The following PIK3IP1 variants were observed in gnomAD, a reference collection of about 807,000 sequenced individuals.
The protein encoded by PIK3IP1 is phosphoinositide-3-kinase-interacting protein 1.
PIK3IP1 carries 28 observed loss-of-function variants against 30.7 expected under a neutral mutation model. The observed-to-expected ratio is 0.91, with a 90% CI of 0.68 to 1.25. The LOEUF (loss-of-function observed/expected upper bound fraction) is 1.25, where lower values mean the gene tolerates loss of function less well. PIK3IP1 is among the 50% of genes most tolerant of loss of function. The pLI is 0.00. For synonymous variants in PIK3IP1, 159 were observed against 140.8 expected, an observed-to-expected ratio of 1.13 and a Z score of -0.91; for missense variants, 333 against 346.2, an observed-to-expected ratio of 0.96 and a Z score of 0.30.
At position 31,291,253 on chromosome 22, in the gene PIK3IP1, G is replaced by A; in HGVS notation, c.114C>T (p.Thr38=). 1 of 1,553,732 alleles carries A rather than the reference G, an allele frequency of 6.4e-7. No individual in the cohort carries two copies. Among genetic ancestry groups the A allele is most frequent in the Admixed American group, 1.9e-5 (1 of 51,382 alleles). ...GGCAGCGGAGGCCCGGCGCGGGGGA[G>A]GTCTGGTCCTCCCGGTACAGGTGGC... The part of the protein sequence containing the change: ...DNGHLYREDQ[T]SPAPGLRCLN... Residue 38 remains threonine (T), a synonymous_variant, in exon 2 of 6, where the codon ACC becomes ACT. Transcript: ENST00000215912.
At chr22:31,284,064 C>G (rs1313168478) in intron 5 of PIK3IP1, among the ~76,000 whole-genome samples, 1 of 152,130 alleles carries the variant, frequency 6.6e-6, no homozygotes, top group Non-Finnish European at 1.5e-5. Context: ...GCCACCACGC[C>G]CAGAGTATTT....
At chr22:31,287,480 G>A (rs568918205) in intron 5 of PIK3IP1, among the ~76,000 whole-genome samples, 5 of 150,544 alleles carry the variant, frequency 3.3e-5, no homozygotes, top group Non-Finnish European at 5.9e-5. Context: ...ACAAGTGCCC[G>A]CCACCACGCC....
rs534860289 is a variant in PIK3IP1, at chr22:31,282,924, C to T, written c.*160G>A. On this transcript the variant is annotated 3_prime_UTR_variant, in exon 6 of 6. Transcript: ENST00000215912. Reference sequence around the variant, plus strand: ...ACCCTACCCAGCCTTACCCTCAGCCCACAGGGCCACCTGCTTCTGTCACTC... The same window carrying T: ...ACCCTACCCAGCCTTACCCTCAGCCTACAGGGCCACCTGCTTCTGTCACTC... 1.6e-6 allele frequency: 1 copy of T among 623,946 alleles called. No homozygotes were observed. Among genetic ancestry groups the T allele is most frequent in the East Asian group, 2.8e-5 (1 of 36,192 alleles). The allele number at this position is 623,946 out of a possible 1,614,324, so 38.7% of individuals were successfully genotyped here.
At chr22:31,288,753 A>ACAATCTCGGCTGAGTGGCAATCT (rs2049150142) in intron 5 of PIK3IP1, among the ~76,000 whole-genome samples, 1 of 152,222 alleles carries the variant, frequency 6.6e-6, no homozygotes. Flanking sequence ...CGTGGTGAAG[A>ACAATCTCGGCTGAGTGGCAATCT]GTGGCAAACA....
Position 31,289,685 on chromosome 22 carries a change from C to A in PIK3IP1, c.322G>T (p.Ala108Ser). The change falls in exon 4 of 6, where the codon GCC becomes TCC. Residue 108 changes from alanine (A) to serine (S), a missense_variant. Physicochemically the swap from Ala to Ser is moderately conservative, Grantham distance 99 (BLOSUM62 1). This residue lies in a region of PIK3IP1 where 217 missense variants were observed against 227.7 expected (regional missense o/e 0.95). Transcript: ENST00000215912. Reference sequence around the variant, plus strand: ...ATTTCTGTCGTGAAGGCTGGCAGGGCCTGGGAGGTGGTCTCTGGAGATGAG... The same window carrying A: ...ATTTCTGTCGTGAAGGCTGGCAGGGACTGGGAGGTGGTCTCTGGAGATGAG... ...DLRCPETTSQ[A>S]LPAFTTEIQE... 6.4e-7 allele frequency: 1 copy of A among 1,552,468 alleles called. No homozygotes were observed. The highest frequency in any genetic ancestry group is 8.7e-7 in the Non-Finnish European group (1 of 1,147,248).
rs1304546668 is a variant in PIK3IP1, at chr22:31,289,742, G to C, written c.308-43C>G. On this transcript the variant is annotated intron_variant, in intron 3 of 5. Coordinates refer to ENST00000215912, the MANE Select transcript of PIK3IP1 (RefSeq NM_052880.5). ...AACAGCTCTCATCAGGGACTGCCCT[G>C]AGTGAATTCCACAGCTGAACCTGGC... The C allele has an allele frequency of 1.9e-6, 3 of 1,544,812 alleles. No individual in the cohort carries two copies. In the South Asian group the frequency reaches 3.6e-5, roughly 18 times the overall value.
At position 31,283,452 on chromosome 22, in the gene PIK3IP1, A is replaced by G. The variant is rs955942986; in HGVS notation, c.588-164T>C. Among the ~76,000 whole-genome samples the G allele has an allele frequency of 5.3e-5, 8 of 152,302 alleles. No individual in the cohort carries two copies. The East Asian group carries it at 7.7e-4, about 15-fold the overall frequency. On this transcript the variant is annotated intron_variant, in intron 5 of 5. Transcript: ENST00000215912. Reference sequence around the variant, plus strand: ...TCAGGTCCAGGATTCTAGGATATCCATTCTGCAAGACGGCGTTAAACTCAA... The same window carrying G: ...TCAGGTCCAGGATTCTAGGATATCCGTTCTGCAAGACGGCGTTAAACTCAA...
At chr22:31,285,085 T>C (rs528125855) in intron 5 of PIK3IP1, among the ~76,000 whole-genome samples, 1 of 152,214 alleles carries the variant, frequency 6.6e-6, no homozygotes, top group East Asian at 1.9e-4. Flanking sequence ...TACCTCCAAC[T>C]TCCTCTCCCA....
At position 31,282,410 on chromosome 22, in the gene PIK3IP1, G is replaced by A. The variant is rs2049096276; in HGVS notation, c.*674C>T. 6.6e-6 allele frequency: 1 copy of A among 152,634 alleles called. No homozygotes were observed. The highest frequency in any genetic ancestry group is 1.5e-5 in the Non-Finnish European group (1 of 68,070). The allele number at this position is 152,634 out of a possible 1,614,324, so 9.5% of individuals were successfully genotyped here. A position where few individuals can be genotyped will look rare whatever the true frequency, so the allele number is the denominator to read the frequency against. On this transcript the variant is annotated 3_prime_UTR_variant, in exon 6 of 6. Transcript: ENST00000215912. The stretch of plus-strand genomic sequence containing the variant: ...AGATCCTTCTCTATCCTCTTCCTAA[G>A]TGGAATGCTCAGTGCAATTCTTCCT...
chr22:31,290,886 G>GCCGCACGTGCGC, intron 3 of PIK3IP1, 79 bp downstream of exon 3: 1 of 1,455,634 alleles, frequency 6.9e-7, no homozygotes, highest in Non-Finnish European at 9.0e-7. Flanking sequence ...GCATCGCGCG[G>GCCGCACGTGCGC]CCGCACGTGC....
rs1382418938 is a variant in PIK3IP1 at position 31,282,840 on chromosome 22, C to G, written c.*244G>C. ...GCAGCAGCATCACTGTGGGAGCTGC[C>G]ACTGTCTCCATCCACAGACAAAATC... is the stretch of plus-strand genomic sequence containing the variant. On this transcript the variant is annotated 3_prime_UTR_variant, in exon 6 of 6. Transcript: ENST00000215912. The G allele has an allele frequency of 2.1e-6, 1 of 481,458 alleles. No homozygotes were observed. The highest frequency in any genetic ancestry group is 3.8e-6 in the Non-Finnish European group (1 of 265,310). 29.8% of individuals were successfully genotyped at this position (481,458 alleles called of 1,614,324 possible). A position where few individuals can be genotyped will look rare whatever the true frequency, so the allele number is the denominator to read the frequency against.
At chr22:31,288,636 C>T (rs1178521523) in intron 5 of PIK3IP1, among the ~76,000 whole-genome samples, 1 of 152,258 alleles carries the variant, frequency 6.6e-6, no homozygotes, top group Non-Finnish European at 1.5e-5. Context: ...GCACCAGTCA[C>T]TGACGGACAT....
chr22:31,290,719 C>G (rs1374653820), intron 3 of PIK3IP1: 14 of 511,148 alleles, frequency 2.7e-5, no homozygotes, highest in Non-Finnish European at 2.6e-5. Flanking sequence ...GCGGAGAGAC[C>G]TAGCCTCACC....
In PIK3IP1 at chr22:31,289,599, G is replaced by A; in HGVS notation, c.408C>T (p.Ala136=). The A allele has an allele frequency of 6.4e-7, 1 of 1,559,828 alleles. No individual in the cohort carries two copies. The highest frequency in any genetic ancestry group is 1.2e-5 in the South Asian group (1 of 84,772). Residue 136 remains alanine, a synonymous_variant, in exon 4 of 6, where the codon GCC becomes GCT. Transcript: ENST00000215912. ...CTGCCGCCTCACTCCGAGCGGGCAGGGCGTTGGCAGGAGCGAACACCTGCA... is the reference window on the plus strand; with the variant it reads ...CTGCCGCCTCACTCCGAGCGGGCAGAGCGTTGGCAGGAGCGAACACCTGCA... ...DEVQVFAPAN[A]LPARSEAAAV...
chr22:31,291,136 C>G (rs1171800415), intron 2 of PIK3IP1, 44 bp downstream of exon 2: 48 of 1,536,336 alleles, frequency 3.1e-5, no homozygotes, highest in Non-Finnish European at 4.0e-5. Context: ...GGGAACGCGG[C>G]CGCCGCCCGC....
chr22:31,284,334 T>C (rs2049115604), intron 5 of PIK3IP1, among the ~76,000 whole-genome samples: 1 of 152,068 alleles, frequency 6.6e-6, no homozygotes, highest in Non-Finnish European at 1.5e-5. Context: ...CATATACAAG[T>C]CTTTAGGGGA....
Position 31,282,987 on chromosome 22 carries a change from GT to G in PIK3IP1, c.*96del. The G allele has an allele frequency of 1.0e-6, 1 of 978,408 alleles. No individual in the cohort carries two copies. Among genetic ancestry groups the G allele is most frequent in the Non-Finnish European group, 1.5e-6 (1 of 665,000 alleles). 60.6% of individuals were successfully genotyped at this position (978,408 alleles called of 1,614,324 possible). A position where few individuals can be genotyped will look rare whatever the true frequency, so the allele number is the denominator to read the frequency against. ...GCCAAAAAAGCGGGGGAGTGGTAGG[GT>G]TTTAACCAGAACACAAAGTGGTAGT... On this transcript the variant is annotated 3_prime_UTR_variant, in exon 6 of 6. Transcript: ENST00000215912.
intron 5 of PIK3IP1, among the ~76,000 whole-genome samples, chr22:31,284,866 C>T (rs1004070204): frequency 6.6e-6 from 1 of 152,088 alleles, no homozygotes; most frequent in Non-Finnish European, 1.5e-5. Context: ...TCCCACCCAC[C>T]CCCATTTACA....
intron 5 of PIK3IP1, among the ~76,000 whole-genome samples, chr22:31,287,362 GCT>G (rs2049140172): frequency 1.7e-5 from 2 of 118,964 alleles, no homozygotes; most frequent in African/African-American, 6.7e-5. Flanking sequence ...ACGGAGTATG[GCT>G]CTGTCGCCCA....
Sources: allele counts gnomAD v4.1 joint callset (sites outside exome capture counted in the v4.1 genomes callset), GRCh38; gene constraint gnomAD v4.1.1; regional missense constraint gnomAD v4.1.1; transcripts MANE v1.5; gene names NCBI Gene and HGNC (gene_info 2026-07-23, HGNC 2026-07-21).